Variants in FER1L6 observed in about 807,000 individuals in gnomAD.
FER1L6 encodes fer-1 like family member 6, also known as fer-1-like protein 6.
FER1L6 carries 177 observed loss-of-function variants against 219.2 expected under a neutral mutation model. The ratio of observed to expected loss-of-function variants is 0.81; its 90% CI spans 0.71 to 0.91. The LOEUF (loss-of-function observed/expected upper bound fraction) is 0.91, where lower values mean the gene tolerates loss of function less well. Ranked by LOEUF, FER1L6 falls within the 40% of genes least tolerant of loss-of-function variation. The probability of loss-of-function intolerance (pLI) is 0.00; values close to 1 mark genes in which losing one functional copy is unlikely to be tolerated. For missense variants in FER1L6, 2,153 were observed against 2,259.9 expected (o/e 0.95, Z 0.96); for synonymous variants, 768 against 824.3 (o/e 0.93, Z 1.17).
intron 1 of FER1L6, among the ~76,000 whole-genome samples, chr8:123,898,749 CTATA>C (rs1469298376): frequency 8.1e-6 from 1 of 123,810 alleles, no homozygotes; most frequent in Non-Finnish European, 1.7e-5. Flanking sequence ...TACATATATA[CTATA>C]TATACACATA....
rs188138591 is a variant in FER1L6 at position 123,917,244 on chromosome 8, C to A, written c.-7-38748C>A. On this transcript the variant is annotated intron_variant, in intron 1 of 40. Coordinates refer to ENST00000522917, the MANE Select transcript of FER1L6 (RefSeq NM_001039112.2). ...ACAGGAAGTGTTGACTGATGGTGAC[C>A]AGACACACATTTAGGAGATTCAATT... Among the ~76,000 whole-genome samples the A allele has an allele frequency of 3.3e-5, 5 of 152,288 alleles. No homozygotes were observed. The East Asian group carries it at 7.7e-4, about 24-fold the overall frequency.
rs555963381 is a variant in FER1L6, at chr8:124,055,299, G to A, written c.2875-4881G>A. 8.5e-5 allele frequency among the ~76,000 whole-genome samples: 13 copies of A among 152,134 alleles called. No homozygotes were observed. In the East Asian group the frequency reaches 1.7e-3, roughly 20 times the overall value. ...ACAAAAAATAAAAAATTAGCTGGGCGTGGTGGTGGAGGCTGCAGTGAACTA... is the reference window on the plus strand; with the variant it reads ...ACAAAAAATAAAAAATTAGCTGGGCATGGTGGTGGAGGCTGCAGTGAACTA... On this transcript the variant is annotated intron_variant, in intron 22 of 40. Transcript: ENST00000522917.
At chr8:124,007,483 T>G (rs995672300) in intron 13 of FER1L6, among the ~76,000 whole-genome samples, 3 of 152,200 alleles carry the variant, frequency 2.0e-5, no homozygotes, top group Admixed American at 2.0e-4. Flanking sequence ...CTTCTTCAAC[T>G]TTTTGTTATA....
intron 12 of FER1L6, among the ~76,000 whole-genome samples, 164 bp from the exon 13 acceptor site, chr8:124,003,003 A>C (rs1817485266): frequency 6.6e-6 from 1 of 152,134 alleles, no homozygotes; most frequent in African/African-American, 2.4e-5. Context: ...ATGATAGCTC[A>C]TCATCATTGT....
At chr8:123,983,062 G>A (rs1816389793) in intron 11 of FER1L6, among the ~76,000 whole-genome samples, 1 of 152,186 alleles carries the variant, frequency 6.6e-6, no homozygotes, top group Non-Finnish European at 1.5e-5. Flanking sequence ...TTGAGGGGAA[G>A]ATTAGCAAAG....
chr8:124,096,038 T>A (rs1464127695), intron 35 of FER1L6, among the ~76,000 whole-genome samples: 10 of 152,206 alleles, frequency 6.6e-5, no homozygotes, highest in Non-Finnish European at 1.5e-5. Context: ...TGAGTTTGAT[T>A]ATAATGGGTC....
At chr8:123,937,565 A>C (rs555028551) in intron 1 of FER1L6, among the ~76,000 whole-genome samples, 61 of 152,294 alleles carry the variant, frequency 4.0e-4, no homozygotes, top group African/African-American at 1.4e-3. Flanking sequence ...AGAAGATAGG[A>C]GGCAGTAACA....
intron 10 of FER1L6, among the ~76,000 whole-genome samples, chr8:123,980,253 G>A (rs1172998495): frequency 6.6e-6 from 1 of 152,102 alleles, no homozygotes; most frequent in Non-Finnish European, 1.5e-5. Context: ...TGGCATTTAT[G>A]GTATTAGTAC....
At chr8:124,003,999 C>T (rs1234351754) in intron 13 of FER1L6, among the ~76,000 whole-genome samples, 3 of 151,032 alleles carry the variant, frequency 2.0e-5, no homozygotes, top group Non-Finnish European at 4.4e-5. Context: ...AATCCAAATC[C>T]TCTTATTATA....
intron 1 of FER1L6, among the ~76,000 whole-genome samples, chr8:123,859,839 G>A (rs369729526): frequency 1.4e-5 from 2 of 145,398 alleles, no homozygotes; most frequent in South Asian, 2.2e-4. Flanking sequence ...TACTGAGAAT[G>A]ATGATTTCCA....
At chr8:123,868,039 A>G (rs928742242) in intron 1 of FER1L6, among the ~76,000 whole-genome samples, 2 of 152,152 alleles carry the variant, frequency 1.3e-5, no homozygotes, top group African/African-American at 4.8e-5. Context: ...TAGAACATGT[A>G]CTTTTTTGTG....
At chr8:124,067,008 A>G (rs1410652961) in intron 27 of FER1L6, among the ~76,000 whole-genome samples, 1 of 152,162 alleles carries the variant, frequency 6.6e-6, no homozygotes, top group African/African-American at 2.4e-5. Flanking sequence ...ATGGTATTAT[A>G]AGTGGGTTTA....
intron 33 of FER1L6, among the ~76,000 whole-genome samples, chr8:124,086,705 C>G (rs1415798918): frequency 6.6e-6 from 1 of 152,078 alleles, no homozygotes; most frequent in African/African-American, 2.4e-5. Context: ...CATATAATTT[C>G]TTATTGATCA....
intron 19 of FER1L6, among the ~76,000 whole-genome samples, chr8:124,037,209 G>T (rs1352085490): frequency 6.6e-6 from 1 of 152,232 alleles, no homozygotes; most frequent in Non-Finnish European, 1.5e-5. Context: ...CCATTGGGAG[G>T]TCTGCTAAAA....
chr8:123,934,291 G>A (rs1175794158), intron 1 of FER1L6, among the ~76,000 whole-genome samples: 1 of 152,132 alleles, frequency 6.6e-6, no homozygotes, highest in Non-Finnish European at 1.5e-5. Flanking sequence ...TGTTCCAACA[G>A]TGTCCTTTAT....
intron 1 of FER1L6, among the ~76,000 whole-genome samples, chr8:123,930,054 C>T (rs374158255): frequency 7.9e-5 from 12 of 151,116 alleles, no homozygotes; most frequent in African/African-American, 2.9e-4. Context: ...AAAAACAATA[C>T]AGACAGGTCC....
intron 22 of FER1L6, among the ~76,000 whole-genome samples, chr8:124,050,622 A>G (rs1004483058): frequency 6.6e-6 from 1 of 152,110 alleles, no homozygotes; most frequent in Admixed American, 6.5e-5. Flanking sequence ...TATATAATAG[A>G]ATTCTATAGA....
At position 124,097,275 on chromosome 8, in the gene FER1L6, G is replaced by A. The variant is rs190405294; in HGVS notation, c.4700G>A (p.Arg1567His). 3.5e-4 allele frequency: 569 copies of A among 1,611,740 alleles called. 2 individuals carry two copies. In the African/African-American group the frequency reaches 4.9e-3, roughly 14 times the overall value. Residue 1567 changes from arginine (R) to histidine (H), a missense_variant, in exon 36 of 41, where the codon CGC becomes CAC. Coordinates refer to ENST00000522917, the MANE Select transcript of FER1L6 (RefSeq NM_001039112.2). ...GATATTTTTTTTCTTAACAAGGGCC[G>A]CCTGCAGATGTGGGTGGACATGTTT... ...HKDKPGMEQG[R>H]LQMWVDMFPK...
intron 20 of FER1L6, among the ~76,000 whole-genome samples, chr8:124,042,376 G>A (rs1819540554): frequency 6.6e-6 from 1 of 152,220 alleles, no homozygotes; most frequent in Non-Finnish European, 1.5e-5. Flanking sequence ...CACGTGCTGG[G>A]CACAATGCTT....
Sources: allele counts gnomAD v4.1 joint callset (sites outside exome capture counted in the v4.1 genomes callset), GRCh38; gene constraint gnomAD v4.1.1; transcripts MANE v1.5; gene names NCBI Gene and HGNC (gene_info 2026-07-23, HGNC 2026-07-21).